The following CFTR variants were observed in gnomAD, a reference collection of about 807,000 sequenced individuals.
The protein encoded by CFTR is CF transmembrane conductance regulator.
In CFTR, 181 loss-of-function variants were observed where a neutral mutation model predicts 171.6. That is an observed-to-expected ratio of 1.05 (90% CI 0.93 to 1.19). CFTR has a LOEUF of 1.19. Among genes scored for constraint, CFTR ranks in the 50% most tolerant of loss-of-function variants. CFTR has a pLI of 0.00. For missense variants in CFTR, 1,968 were observed against 1,734.7 expected (o/e 1.13, Z -2.39); for synonymous variants, 583 against 608.0 (o/e 0.96, Z 0.60).
intron 10 of CFTR, among the ~76,000 whole-genome samples, chr7:117,550,147 G>A (rs1344284227): frequency 6.6e-6 from 1 of 151,968 alleles, no homozygotes; most frequent in Admixed American, 6.6e-5. Context: ...ACCAGCGTGG[G>A]CAACATGGCA....
chr7:117,612,286 GTTT>G (rs1209940697), intron 20 of CFTR, among the ~76,000 whole-genome samples: 4 of 145,744 alleles, frequency 2.7e-5, no homozygotes, highest in Non-Finnish European at 6.0e-5. Context: ...GGTAAGTTTT[GTTT>G]TTTTTAAATC....
intron 3 of CFTR, among the ~76,000 whole-genome samples, chr7:117,515,072 T>G (rs1418544353): frequency 6.6e-6 from 1 of 152,174 alleles, no homozygotes; most frequent in Non-Finnish European, 1.5e-5. Flanking sequence ...ATGGATAGAT[T>G]GCAAAAATTT....
chr7:117,502,883 A>G (rs930824234), intron 1 of CFTR, among the ~76,000 whole-genome samples: 1 of 152,238 alleles, frequency 6.6e-6, no homozygotes, highest in African/African-American at 2.4e-5. Context: ...TATCTTAGTA[A>G]GGAATAATTG....
intron 4 of CFTR, among the ~76,000 whole-genome samples, chr7:117,533,432 A>G (rs1316032201): frequency 6.6e-6 from 1 of 152,106 alleles, no homozygotes; most frequent in African/African-American, 2.4e-5. Flanking sequence ...ATCATATTAT[A>G]TTTAGTTATT....
chr7:117,656,875 C>T (rs1019867514), intron 24 of CFTR, among the ~76,000 whole-genome samples: 1 of 152,104 alleles, frequency 6.6e-6, no homozygotes, highest in Admixed American at 6.6e-5. Flanking sequence ...CACAGTGGAC[C>T]CTGCCAGGAG....
chr7:117,653,189 G>A (rs1316564254), intron 24 of CFTR, among the ~76,000 whole-genome samples: 1 of 152,180 alleles, frequency 6.6e-6, no homozygotes, highest in African/African-American at 2.4e-5. Flanking sequence ...TTGTGTGCAT[G>A]TATTTCTGTG....
At chr7:117,515,527 C>T (rs1334060132) in intron 3 of CFTR, among the ~76,000 whole-genome samples, 1 of 152,102 alleles carries the variant, frequency 6.6e-6, no homozygotes, top group Non-Finnish European at 1.5e-5. Context: ...GTTATCGTAC[C>T]AGTCCCATGC....
At chr7:117,619,811 G>T (rs1232169319) in intron 21 of CFTR, among the ~76,000 whole-genome samples, 5 of 152,156 alleles carry the variant, frequency 3.3e-5, no homozygotes, top group Admixed American at 3.3e-4. Context: ...TGAGGCTCTA[G>T]AAAGTTCTTC....
chr7:117,626,823 CT>C, intron 21 of CFTR, among the ~76,000 whole-genome samples: 1 of 151,498 alleles, frequency 6.6e-6, no homozygotes, highest in Admixed American at 6.6e-5. Flanking sequence ...TTATCAAGTC[CT>C]TTTATTTCTG....
chr7:117,549,287 A>G (rs1442606589), intron 10 of CFTR, among the ~76,000 whole-genome samples: 1 of 152,198 alleles, frequency 6.6e-6, no homozygotes, highest in African/African-American at 2.4e-5. Context: ...ATTATAAGGA[A>G]AAATTATTTA....
chr7:117,564,946 TTGTAA>T (rs1337921017), intron 11 of CFTR, among the ~76,000 whole-genome samples: 1 of 152,236 alleles, frequency 6.6e-6, no homozygotes, highest in Admixed American at 6.5e-5. Context: ...GATAGAAAAC[TTGTAA>T]TGTACAGCCA....
intron 1 of CFTR, among the ~76,000 whole-genome samples, chr7:117,496,337 C>T (rs749557243): frequency 2.0e-5 from 3 of 152,052 alleles, no homozygotes; most frequent in African/African-American, 4.8e-5. Flanking sequence ...TCCCGAGTAG[C>T]TGAGACTACA....
intron 24 of CFTR, among the ~76,000 whole-genome samples, chr7:117,662,201 G>T (rs531514824): frequency 3.3e-5 from 5 of 152,184 alleles, no homozygotes; most frequent in African/African-American, 9.6e-5. Context: ...CTCAAGTTTT[G>T]ATTCATTTAT....
At chr7:117,663,244 T>C (rs2116217547) in intron 24 of CFTR, among the ~76,000 whole-genome samples, 1 of 152,220 alleles carries the variant, frequency 6.6e-6, no homozygotes, top group East Asian at 1.9e-4. Flanking sequence ...AAGACACAGG[T>C]CCTCTAACTC....
In CFTR at chr7:117,587,801, T is replaced by G. The variant is rs121909005; in HGVS notation, c.1647T>G (p.Ser549Arg). 6.8e-6 allele frequency: 11 copies of G among 1,610,814 alleles called. No individual in the cohort carries two copies. The highest frequency in any genetic ancestry group is 6.7e-5 in the Admixed American group (4 of 59,876). The change falls in exon 12 of 27, where the codon AGT becomes AGG. Residue 549 changes from serine (S) to arginine (R), a missense_variant. Transcript: ENST00000003084. ...IVLGEGGITL[S>R]GGQRARISLA... is the part of the protein sequence containing the mutation. ...TTGGAGAAGGTGGAATCACACTGAG[T>G]GGAGGTCAACGAGCAAGAATTTCTT...
intron 1 of CFTR, among the ~76,000 whole-genome samples, chr7:117,501,907 A>G (rs777475691): frequency 6.6e-6 from 1 of 152,072 alleles, no homozygotes; most frequent in Non-Finnish European, 1.5e-5. Context: ...GGTGGACTAT[A>G]TTCTATTGCA....
In CFTR at chr7:117,664,301, A is replaced by C. The variant is rs112451966; in HGVS notation, c.3964-387A>C. On this transcript the variant is annotated intron_variant, in intron 24 of 26. Transcript: ENST00000003084. ...TGTCATACTAGAGGGCATATCTGCA[A>C]TGTATACATATTATCTTTTCCAGCA... Among the ~76,000 whole-genome samples the C allele has an allele frequency of 2.0e-5, 3 of 152,278 alleles. No individual in the cohort carries two copies. The East Asian group carries it at 5.8e-4, about 29-fold the overall frequency.
chr7:117,502,146 C>T (rs1798342907), intron 1 of CFTR, among the ~76,000 whole-genome samples: 1 of 152,220 alleles, frequency 6.6e-6, no homozygotes, highest in Non-Finnish European at 1.5e-5. Context: ...ATCTTTTGTT[C>T]TTCCTGCTTT....
intron 11 of CFTR, among the ~76,000 whole-genome samples, chr7:117,579,205 G>A (rs568140081): frequency 2.9e-4 from 44 of 151,998 alleles, no homozygotes; most frequent in African/African-American, 7.7e-4. Flanking sequence ...AACCGTTATT[G>A]AAGTATATAA....
Sources: allele counts gnomAD v4.1 joint callset (sites outside exome capture counted in the v4.1 genomes callset), GRCh38; gene constraint gnomAD v4.1.1; transcripts MANE v1.5; gene names NCBI Gene and HGNC (gene_info 2026-07-23, HGNC 2026-07-21).